C1orf105: variants seen among roughly 807,000 people sequenced by gnomAD.
The protein encoded by C1orf105 is uncharacterized protein C1orf105.
Under a neutral mutation model 20.8 loss-of-function variants are expected in C1orf105, and 17 were observed. The ratio of observed to expected loss-of-function variants is 0.82; its 90% CI spans 0.56 to 1.23. The LOEUF is 1.23. C1orf105 is among the 50% of genes most tolerant of loss of function. C1orf105 has a pLI of 0.00. For synonymous variants in C1orf105, 72 were observed against 72.1 expected, an observed-to-expected ratio of 1.00 and a Z score of 0.01; for missense variants, 219 against 213.5, an observed-to-expected ratio of 1.03 and a Z score of -0.16.
intron 5 of C1orf105, among the ~76,000 whole-genome samples, chr1:172,463,248 A>G (rs941954648): frequency 6.6e-6 from 1 of 152,230 alleles, no homozygotes; most frequent in Non-Finnish European, 1.5e-5. Context: ...ACTCACCTTT[A>G]CATATGACTA....
At position 172,465,314 on chromosome 1, in the gene C1orf105, A is replaced by G. The variant is rs1649965505; in HGVS notation, c.357A>G (p.Gln119=). 1 of 1,613,064 alleles carries G rather than the reference A, an allele frequency of 6.2e-7. No homozygotes were observed. The highest frequency in any genetic ancestry group is 1.1e-5 in the South Asian group (1 of 91,054). Residue 119 remains glutamine, a synonymous_variant, in exon 6 of 7, where the codon CAA becomes CAG. Coordinates refer to ENST00000367727, the MANE Select transcript of C1orf105 (RefSeq NM_139240.4). ...NCMSYRMSLH[Q]PKFQTTPEPF... The stretch of plus-strand genomic sequence containing the variant: ...TTCCAATCAGAATGAGTCTTCATCA[A>G]CCCAAATTCCAGACTACACCTGAGC...
In C1orf105 at chr1:172,468,633, AAAT is replaced by A; in HGVS notation, c.*42_*44del. On this transcript the variant is annotated 3_prime_UTR_variant, in exon 7 of 7. Coordinates refer to ENST00000367727, the MANE Select transcript of C1orf105 (RefSeq NM_139240.4). Reference sequence around the variant, plus strand: ...ATCACCTCCCAGACTCCCAGAGAGAAAATAACCTCGCCAAGCCAATCTTTGACA... The same window carrying A: ...ATCACCTCCCAGACTCCCAGAGAGAAAACCTCGCCAAGCCAATCTTTGACA... 1 of 1,586,698 alleles carries A rather than the reference AAAT, an allele frequency of 6.3e-7. No individual in the cohort carries two copies. The highest frequency in any genetic ancestry group is 8.6e-7 in the Non-Finnish European group (1 of 1,163,582).
In C1orf105 at chr1:172,441,674, C is replaced by T. The variant is rs202159408; in HGVS notation, c.22-3399C>T. On this transcript the variant is annotated intron_variant, in intron 1 of 6. Transcript: ENST00000367727. ...TGGAACTCTGTCTTTAAGTTCTATACTAGTTAGGAGGCTAATCTATCAGCT... is the reference window on the plus strand; with the variant it reads ...TGGAACTCTGTCTTTAAGTTCTATATTAGTTAGGAGGCTAATCTATCAGCT... 1,907 of 1,383,114 alleles carry T rather than the reference C, an allele frequency of 1.4e-3. 45 individuals carry two copies. The South Asian group carries it at 0.026, about 19-fold the overall frequency. The allele number at this position is 1,383,114 out of a possible 1,614,324, so 85.7% of individuals were successfully genotyped here.
intron 1 of C1orf105, among the ~76,000 whole-genome samples, 166 bp downstream of exon 1, chr1:172,421,072 A>G (rs908761168): frequency 2.0e-5 from 3 of 152,248 alleles, no homozygotes; most frequent in African/African-American, 7.2e-5. Context: ...GTTCAGTTAC[A>G]GGTGAAGATA....
chr1:172,450,172 C>T (rs753115330), intron 3 of C1orf105, among the ~76,000 whole-genome samples: 2 of 152,226 alleles, frequency 1.3e-5, no homozygotes, highest in Non-Finnish European at 1.5e-5. Flanking sequence ...CCGGCTGACC[C>T]GTGAGAAGTC....
intron 1 of C1orf105, among the ~76,000 whole-genome samples, chr1:172,433,613 T>C (rs1573837333): frequency 1.3e-5 from 2 of 152,140 alleles, no homozygotes; most frequent in Non-Finnish European, 2.9e-5. Flanking sequence ...GCACTAAACA[T>C]GGGAAGGAAC....
At chr1:172,466,755 G>A (rs1175055229) in intron 6 of C1orf105, among the ~76,000 whole-genome samples, 1 of 152,156 alleles carries the variant, frequency 6.6e-6, no homozygotes, top group Non-Finnish European at 1.5e-5. Flanking sequence ...GCTAGATTTT[G>A]TGTGCACAGG....
chr1:172,460,526 G>A (rs375513729), intron 4 of C1orf105, among the ~76,000 whole-genome samples: 2 of 152,156 alleles, frequency 1.3e-5, no homozygotes, highest in African/African-American at 4.8e-5. Flanking sequence ...TTAAAAGTAG[G>A]ACCATCAAGC....
chr1:172,421,188 AT>A (rs57343784), intron 1 of C1orf105, among the ~76,000 whole-genome samples: 13,441 of 152,206 alleles, frequency 0.088, 768 homozygotes, highest in East Asian at 0.21. Flanking sequence ...TTTAAGTATG[AT>A]TTTTTTAAAT....
intron 1 of C1orf105, chr1:172,442,480 T>A: frequency 6.2e-7 from 1 of 1,614,086 alleles, no homozygotes; most frequent in Non-Finnish European, 8.5e-7. Context: ...CACAGCCCAA[T>A]ATTGGTATTT....
At chr1:172,451,936 G>A (rs1257250399) in intron 3 of C1orf105, among the ~76,000 whole-genome samples, 6 of 129,802 alleles carry the variant, frequency 4.6e-5, no homozygotes, top group Non-Finnish European at 9.3e-5. Context: ...GCAATGGCAC[G>A]ATCTTGGCTC....
intron 6 of C1orf105, among the ~76,000 whole-genome samples, chr1:172,465,854 G>A (rs1650012386): frequency 6.6e-6 from 1 of 152,200 alleles, no homozygotes; most frequent in Non-Finnish European, 1.5e-5. Flanking sequence ...AACAAGGAAA[G>A]CAGCTCTATT....
At chr1:172,432,427 A>C (rs1490397785) in intron 1 of C1orf105, among the ~76,000 whole-genome samples, 1 of 152,228 alleles carries the variant, frequency 6.6e-6, no homozygotes, top group African/African-American at 2.4e-5. Context: ...GCTGTTCTGC[A>C]ATATTTGCTG....
intron 3 of C1orf105, among the ~76,000 whole-genome samples, chr1:172,450,487 C>G (rs1037423010): frequency 2.0e-5 from 3 of 152,238 alleles, no homozygotes; most frequent in Non-Finnish European, 2.9e-5. Context: ...GCAGCTGCTC[C>G]CTTCTGGAAA....
At chr1:172,447,078 CA>C (rs1199806036) in intron 2 of C1orf105, among the ~76,000 whole-genome samples, 2 of 152,156 alleles carry the variant, frequency 1.3e-5, no homozygotes, top group Middle Eastern at 3.2e-3. Context: ...GTTTAAGTAT[CA>C]AAAGATCTTA....
At chr1:172,442,215 C>A (rs1177220309) in intron 1 of C1orf105, 1 of 1,613,930 alleles carries the variant, frequency 6.2e-7, no homozygotes, top group Non-Finnish European at 8.5e-7. Flanking sequence ...GGGTCTTCAG[C>A]ACTGGTGAAA....
intron 5 of C1orf105, among the ~76,000 whole-genome samples, chr1:172,462,561 G>T (rs1438370857): frequency 2.6e-5 from 4 of 152,162 alleles, no homozygotes; most frequent in Non-Finnish European, 5.9e-5. Flanking sequence ...CCATGTAGAT[G>T]ACATATCTAA....
intron 1 of C1orf105, chr1:172,444,064 G>A (rs530599423): frequency 1.3e-3 from 1,308 of 999,060 alleles, no homozygotes; most frequent in Non-Finnish European, 1.5e-3. Context: ...CCGGGGCTGC[G>A]ACTGTGGCCA....
At chr1:172,430,995 G>T in intron 1 of C1orf105, 1 of 545,108 alleles carries the variant, frequency 1.8e-6, no homozygotes, top group South Asian at 2.8e-5. Context: ...GTGGATATGT[G>T]TGTGTGTTCT....
Sources: allele counts gnomAD v4.1 joint callset (sites outside exome capture counted in the v4.1 genomes callset), GRCh38; gene constraint gnomAD v4.1.1; transcripts MANE v1.5; gene names NCBI Gene and HGNC (gene_info 2026-07-23, HGNC 2026-07-21).